The following WDR89 variants were observed in gnomAD, a reference collection of about 807,000 sequenced individuals.
WDR89 encodes WD repeat domain 89.
In WDR89, 17 loss-of-function variants were observed where a neutral mutation model predicts 29.1. The ratio of observed to expected loss-of-function variants is 0.58; its 90% confidence interval spans 0.40 to 0.88. The LOEUF (loss-of-function observed/expected upper bound fraction) is 0.88, where lower values mean the gene tolerates loss of function less well. WDR89 is among the 40% of genes least tolerant of loss of function. The pLI, the probability that WDR89 is intolerant of heterozygous loss-of-function variation, is 0.00. For synonymous variants in WDR89, 138 were observed against 157.8 expected, an observed-to-expected ratio of 0.87 and a Z score of 0.94; for missense variants, 396 against 456.3, an observed-to-expected ratio of 0.87 and a Z score of 1.20.
intron 2 of WDR89, among the ~76,000 whole-genome samples, chr14:63,610,085 T>C (rs542038156): frequency 2.6e-5 from 4 of 152,092 alleles, no homozygotes; most frequent in African/African-American, 7.2e-5. Flanking sequence ...CTGAGTGCAG[T>C]GGCTCACGCC....
chr14:63,626,603 C>T (rs527682359), intron 1 of WDR89, among the ~76,000 whole-genome samples: 4 of 129,810 alleles, frequency 3.1e-5, no homozygotes, highest in Admixed American at 9.5e-5. Context: ...GGCTTGAGCC[C>T]GGGAGGCAGA....
intron 1 of WDR89, among the ~76,000 whole-genome samples, chr14:63,628,431 A>G (rs911781801): frequency 2.0e-5 from 3 of 152,230 alleles, no homozygotes; most frequent in East Asian, 1.9e-4. Flanking sequence ...AAAGAAATAT[A>G]TAACAAGAAA....
At chr14:63,630,004 A>G (rs1465676126) in intron 1 of WDR89, among the ~76,000 whole-genome samples, 1 of 152,034 alleles carries the variant, frequency 6.6e-6, no homozygotes, top group Non-Finnish European at 1.5e-5. Context: ...CTGGAGTGCA[A>G]TGGCGTGATC....
intron 1 of WDR89, among the ~76,000 whole-genome samples, chr14:63,640,419 T>C (rs1227035901): frequency 2.0e-5 from 3 of 152,164 alleles, no homozygotes; most frequent in African/African-American, 7.2e-5. Flanking sequence ...CCTACTGCGA[T>C]GTCTTTCCTC....
chr14:63,629,766 AT>A (rs1294715915), intron 1 of WDR89, among the ~76,000 whole-genome samples: 1 of 152,068 alleles, frequency 6.6e-6, no homozygotes, highest in Non-Finnish European at 1.5e-5. Flanking sequence ...GTCAAACTTT[AT>A]TTTTTTTATT....
chr14:63,603,926 T>C (rs1209856646), intron 2 of WDR89, among the ~76,000 whole-genome samples: 2 of 152,206 alleles, frequency 1.3e-5, no homozygotes, highest in African/African-American at 2.4e-5. Context: ...CTTGAACACG[T>C]CAGGCTTGCT....
chr14:63,630,067 C>T (rs971406968), intron 1 of WDR89, among the ~76,000 whole-genome samples: 2 of 152,092 alleles, frequency 1.3e-5, no homozygotes, highest in African/African-American at 4.8e-5. Flanking sequence ...CCTGTCTCAA[C>T]CTCCCAAGTA....
At chr14:63,619,537 G>A (rs1447980301) in intron 2 of WDR89, among the ~76,000 whole-genome samples, 1 of 152,054 alleles carries the variant, frequency 6.6e-6, no homozygotes, top group African/African-American at 2.4e-5. Flanking sequence ...AATAGTGTAA[G>A]TACACACTCC....
chr14:63,625,862 T>C (rs370812667), intron 1 of WDR89, among the ~76,000 whole-genome samples: 1 of 151,102 alleles, frequency 6.6e-6, no homozygotes, highest in African/African-American at 2.4e-5. Flanking sequence ...AAGAGGACTT[T>C]TTTTTTTTTT....
intron 2 of WDR89, chr14:63,601,739 C>T: frequency 2.1e-6 from 3 of 1,423,424 alleles, no homozygotes; most frequent in Non-Finnish European, 3.0e-6. Context: ...AACATGGAGG[C>T]ACCAAAGTAG....
At chr14:63,618,343 T>C (rs1251213939) in intron 2 of WDR89, among the ~76,000 whole-genome samples, 2 of 151,898 alleles carry the variant, frequency 1.3e-5, no homozygotes, top group Non-Finnish European at 2.9e-5. Flanking sequence ...CTATAAGAGA[T>C]GGGGTTTTGC....
chr14:63,617,025 A>G (rs1318038826), intron 2 of WDR89, among the ~76,000 whole-genome samples: 1 of 151,394 alleles, frequency 6.6e-6, no homozygotes, highest in Non-Finnish European at 1.5e-5. Flanking sequence ...TTTCTGGCTT[A>G]AGCAGCAAGG....
intron 2 of WDR89, among the ~76,000 whole-genome samples, chr14:63,606,139 G>A (rs1020735653): frequency 2.6e-5 from 4 of 152,016 alleles, no homozygotes; most frequent in Admixed American, 6.6e-5. Context: ...GTAGAGACAG[G>A]GTCTCACTAT....
intron 1 of WDR89, among the ~76,000 whole-genome samples, chr14:63,625,736 A>G (rs10148797): frequency 0.053 from 8,099 of 152,282 alleles, 302 homozygotes; most frequent in African/African-American, 0.11. Context: ...TACAGTAGTT[A>G]TATTTTAATA....
chr14:63,602,839 A>G lies in WDR89; in HGVS notation c.-31-2866T>C, dbSNP rs150845946. Among the ~76,000 whole-genome samples, 561 of 152,202 alleles carry G rather than the reference A, an allele frequency of 3.7e-3. 3 individuals carry two copies. The highest frequency in any genetic ancestry group is 0.013 in the African/African-American group (540 of 41,548). ...ACCATATAAGGGAGAATTTGGATCT[A>G]TCAGAGAGCTCCAAATAGCACAATT... On this transcript the variant is annotated intron_variant, in intron 2 of 2. Coordinates refer to ENST00000620954, the MANE Select transcript of WDR89 (RefSeq NM_080666.4).
chr14:63,613,452 C>A (rs1882114634), intron 2 of WDR89, among the ~76,000 whole-genome samples: 1 of 151,276 alleles, frequency 6.6e-6, no homozygotes, highest in South Asian at 2.1e-4. Context: ...TTAGTCATTT[C>A]TTTCATACTA....
At chr14:63,614,133 A>G (rs971209476) in intron 2 of WDR89, among the ~76,000 whole-genome samples, 1 of 152,038 alleles carries the variant, frequency 6.6e-6, no homozygotes, top group East Asian at 1.9e-4. Context: ...AGCATGTAGC[A>G]TATTAATCTT....
At chr14:63,612,479 G>A (rs1474043991) in intron 2 of WDR89, among the ~76,000 whole-genome samples, 1 of 152,020 alleles carries the variant, frequency 6.6e-6, no homozygotes, top group South Asian at 2.1e-4. Flanking sequence ...GGGTTCAAGC[G>A]ATTATCCTGC....
At position 63,616,261 on chromosome 14, in the gene WDR89, C is replaced by G. The variant is rs374686253; in HGVS notation, c.-32+8667G>C. Among the ~76,000 whole-genome samples the G allele has an allele frequency of 3.4e-3, 510 of 151,828 alleles. 1 individual carries two copies. Among genetic ancestry groups the G allele is most frequent in the African/African-American group, 0.012 (491 of 41,400 alleles). On this transcript the variant is annotated intron_variant, in intron 2 of 2. Transcript: ENST00000620954. ...CCTGGGTGACAGTGAGACTCTGTCT[C>G]AATACCAAAACCAAACCAAAGAAAA... is the stretch of plus-strand genomic sequence containing the variant.
Sources: gnomAD v4.1 joint callset for allele counts (sites outside exome capture counted in the v4.1 genomes callset) on GRCh38, gnomAD v4.1.1 for gene constraint, MANE v1.5 for transcripts, NCBI Gene and HGNC (gene_info 2026-07-23, HGNC 2026-07-21) for gene names.